The following RALGAPB variants were observed in gnomAD, a reference collection of about 807,000 sequenced individuals.
RALGAPB encodes ral GTPase-activating protein subunit beta.
A neutral mutation model predicts 161.1 loss-of-function variants in RALGAPB; 25 were observed. That is an observed-to-expected ratio of 0.16 (90% CI 0.11 to 0.22). The LOEUF (loss-of-function observed/expected upper bound fraction) is 0.22. Ranked by LOEUF, RALGAPB falls within the 10% of genes least tolerant of loss-of-function variation. The pLI is 1.00. For missense variants in RALGAPB, 1,391 were observed against 1,815.2 expected, an observed-to-expected ratio of 0.77 and a Z score of 4.25; for synonymous variants, 629 against 626.1, an observed-to-expected ratio of 1.00 and a Z score of -0.07.
chr20:38,530,877 C>T lies in RALGAPB; in HGVS notation c.2051-290C>T, dbSNP rs190034934. Among the ~76,000 whole-genome samples the T allele has an allele frequency of 1.6e-3, 236 of 146,470 alleles. 1 individual carries two copies. Among genetic ancestry groups the T allele is most frequent in the African/African-American group, 5.4e-3 (222 of 40,994 alleles). On this transcript the variant is annotated intron_variant, in intron 13 of 29. Transcript: ENST00000262879. ...AAGTGCTGGGATTATAGGCATGAAC[C>T]ACTGTGCCTGGCCATTTTTTTTTTT...
chr20:38,506,139 T>C (rs2085756983), intron 5 of RALGAPB, among the ~76,000 whole-genome samples: 1 of 152,154 alleles, frequency 6.6e-6, no homozygotes, highest in African/African-American at 2.4e-5. Context: ...CTTGAGACGA[T>C]TTAAAGTATA....
chr20:38,572,897 A>T (rs1316349452), intron 28 of RALGAPB, among the ~76,000 whole-genome samples: 1 of 152,178 alleles, frequency 6.6e-6, no homozygotes, highest in Non-Finnish European at 1.5e-5. Flanking sequence ...TTGGTAAAGA[A>T]TTCACTCCAG....
chr20:38,498,613 A>G (rs948551403), intron 4 of RALGAPB, among the ~76,000 whole-genome samples: 1 of 152,250 alleles, frequency 6.6e-6, no homozygotes, highest in African/African-American at 2.4e-5. Context: ...CAGACAATTC[A>G]TCCCCCTCCT....
chr20:38,561,371 C>G (rs942952043), intron 23 of RALGAPB, among the ~76,000 whole-genome samples: 7 of 152,142 alleles, frequency 4.6e-5, no homozygotes, highest in African/African-American at 1.7e-4. Flanking sequence ...AGGTAATGAC[C>G]TTGAGATGAT....
intron 20 of RALGAPB, among the ~76,000 whole-genome samples, chr20:38,550,475 TC>T (rs1199734081): frequency 3.3e-5 from 5 of 152,120 alleles, no homozygotes; most frequent in Admixed American, 2.6e-4. Flanking sequence ...ACAGAGCACA[TC>T]CTGTCATCAA....
At chr20:38,562,807 T>C (rs973943736) in intron 24 of RALGAPB, 110 bp downstream of exon 24, 9 of 1,231,246 alleles carry the variant, frequency 7.3e-6, no homozygotes, top group East Asian at 2.6e-5. Context: ...AAAACCAGGC[T>C]GGGTACAGTG....
At chr20:38,495,710 G>T (rs564207015) in intron 3 of RALGAPB, among the ~76,000 whole-genome samples, 14 of 152,186 alleles carry the variant, frequency 9.2e-5, no homozygotes, top group African/African-American at 3.4e-4. Flanking sequence ...TGATATTTTT[G>T]AAAGGGAAAT....
intron 24 of RALGAPB, among the ~76,000 whole-genome samples, chr20:38,564,499 CT>C (rs2087912079): frequency 6.6e-6 from 1 of 152,160 alleles, no homozygotes; most frequent in Non-Finnish European, 1.5e-5. Context: ...TTGAGCATAT[CT>C]TATCATATTT....
intron 2 of RALGAPB, among the ~76,000 whole-genome samples, chr20:38,489,992 T>C (rs923878342): frequency 5.3e-5 from 8 of 151,952 alleles, no homozygotes; most frequent in Non-Finnish European, 1.0e-4. Context: ...TGAGAATTCC[T>C]GTTTCCTCTG....
chr20:38,526,932 C>T (rs931981425), intron 13 of RALGAPB, among the ~76,000 whole-genome samples: 1 of 152,174 alleles, frequency 6.6e-6, no homozygotes, highest in Non-Finnish European at 1.5e-5. Flanking sequence ...CTCAGTGCCA[C>T]TAAAGTGCAA....
At chr20:38,484,980 C>T (rs2122844172) in intron 1 of RALGAPB, among the ~76,000 whole-genome samples, 1 of 152,276 alleles carries the variant, frequency 6.6e-6, no homozygotes, top group East Asian at 1.9e-4. Context: ...CAGGTGTGAG[C>T]CACCACCACA....
intron 16 of RALGAPB, among the ~76,000 whole-genome samples, chr20:38,537,203 T>G (rs1403141367): frequency 6.6e-6 from 1 of 152,232 alleles, no homozygotes; most frequent in Non-Finnish European, 1.5e-5. Flanking sequence ...AGTGGTCATC[T>G]GATTTTTGAC....
chr20:38,527,064 A>G (rs1259733954), intron 13 of RALGAPB, among the ~76,000 whole-genome samples: 2 of 151,928 alleles, frequency 1.3e-5, no homozygotes, highest in Non-Finnish European at 2.9e-5. Flanking sequence ...CCAGCCCACA[A>G]ACCTGGGTGG....
chr20:38,573,698 C>T (rs1193883935), intron 28 of RALGAPB: 3 of 152,372 alleles, frequency 2.0e-5, no homozygotes, highest in Admixed American at 1.3e-4. Context: ...TGTGTTCCTG[C>T]TTCTCCTCTG....
intron 22 of RALGAPB, among the ~76,000 whole-genome samples, chr20:38,556,711 C>T (rs2087597715): frequency 2.0e-5 from 3 of 151,766 alleles, no homozygotes; most frequent in African/African-American, 7.3e-5. Context: ...CACAGAAGAA[C>T]AAGCTGAGGA....
chr20:38,516,053 G>C, intron 6 of RALGAPB, 139 bp from the exon 7 acceptor site: 1 of 601,274 alleles, frequency 1.7e-6, no homozygotes, highest in Admixed American at 3.7e-5. Context: ...GATTTGAATC[G>C]CTGGCCCATT....
chr20:38,545,469 GT>G (rs1185759368), intron 18 of RALGAPB, among the ~76,000 whole-genome samples: 1 of 152,084 alleles, frequency 6.6e-6, no homozygotes, highest in Non-Finnish European at 1.5e-5. Context: ...TTATCTTGTG[GT>G]TCTAATATCA....
At chr20:38,536,268 G>T (rs1461805830) in intron 16 of RALGAPB, among the ~76,000 whole-genome samples, 1 of 152,112 alleles carries the variant, frequency 6.6e-6, no homozygotes, top group Non-Finnish European at 1.5e-5. Context: ...TAAATGTAAT[G>T]TTTTTGAGTT....
chr20:38,478,151 A>G (rs1219125076), intron 1 of RALGAPB, among the ~76,000 whole-genome samples: 2 of 152,076 alleles, frequency 1.3e-5, no homozygotes, highest in African/African-American at 2.4e-5. Flanking sequence ...GACTTATCCA[A>G]AGTCATATGG....
Sources: gnomAD v4.1 joint callset for allele counts (sites outside exome capture counted in the v4.1 genomes callset) on GRCh38, gnomAD v4.1.1 for gene constraint, MANE v1.5 for transcripts, NCBI Gene and HGNC (gene_info 2026-07-23, HGNC 2026-07-21) for gene names.